The following PTPN9 variants were observed in gnomAD, a reference collection of about 807,000 sequenced individuals.
PTPN9 encodes tyrosine-protein phosphatase non-receptor type 9.
Under a neutral mutation model 69.8 loss-of-function variants are expected in PTPN9, and 26 were observed. The observed-to-expected ratio is 0.37, with a 90% CI of 0.27 to 0.52. The LOEUF is 0.52. PTPN9 is among the 20% of genes least tolerant of loss of function. The pLI is 0.91. For missense variants in PTPN9, 549 were observed against 740.3 expected (o/e 0.74, Z 3.00); for synonymous variants, 274 against 272.5 (o/e 1.01, Z -0.05).
intron 7 of PTPN9, among the ~76,000 whole-genome samples, chr15:75,504,474 G>T (rs1248221038): frequency 2.2e-5 from 3 of 136,794 alleles, no homozygotes; most frequent in Non-Finnish European, 4.8e-5. Flanking sequence ...GGTCCGGGAG[G>T]GAGGTGGAGG....
intron 3 of PTPN9, among the ~76,000 whole-genome samples, chr15:75,523,709 A>G (rs2074914910): frequency 1.3e-5 from 2 of 152,222 alleles, no homozygotes; most frequent in South Asian, 2.1e-4. Flanking sequence ...GACACATTGC[A>G]TATCTCTCCC....
intron 1 of PTPN9, among the ~76,000 whole-genome samples, chr15:75,556,814 C>T (rs1162345705): frequency 6.6e-6 from 1 of 152,162 alleles, no homozygotes; most frequent in Non-Finnish European, 1.5e-5. Context: ...ATTGTTTTAT[C>T]ATACCCAGCA....
intron 1 of PTPN9, among the ~76,000 whole-genome samples, chr15:75,563,563 T>C (rs1021646452): frequency 1.3e-5 from 2 of 152,214 alleles, no homozygotes; most frequent in Non-Finnish European, 2.9e-5. Flanking sequence ...GAGAAAGATA[T>C]GATCTTTTTT....
At chr15:75,521,040 G>A (rs1413019651) in intron 4 of PTPN9, among the ~76,000 whole-genome samples, 2 of 151,904 alleles carry the variant, frequency 1.3e-5, no homozygotes, top group African/African-American at 2.4e-5. Context: ...TTGTAGAGAC[G>A]AGGCCTTGCT....
intron 1 of PTPN9, among the ~76,000 whole-genome samples, chr15:75,537,052 G>A (rs1327711157): frequency 1.3e-5 from 2 of 152,050 alleles, no homozygotes; most frequent in Admixed American, 1.3e-4. Context: ...TTTTCTTTTA[G>A]AAATACTAGT....
chr15:75,578,598 C>A, intron 1 of PTPN9, 116 bp downstream of exon 1: 1 of 882,166 alleles, frequency 1.1e-6, no homozygotes, highest in Non-Finnish European at 1.5e-6. Context: ...GAGCCGGGCA[C>A]GGGAGCGGGG....
At chr15:75,571,708 A>G (rs1267571608) in intron 1 of PTPN9, among the ~76,000 whole-genome samples, 1 of 152,004 alleles carries the variant, frequency 6.6e-6, no homozygotes, top group Non-Finnish European at 1.5e-5. Context: ...CATCATGGCC[A>G]ACATGGTGAA....
intron 1 of PTPN9, among the ~76,000 whole-genome samples, chr15:75,537,226 C>T (rs1479664256): frequency 6.6e-6 from 1 of 150,964 alleles, no homozygotes; most frequent in Non-Finnish European, 1.5e-5. Flanking sequence ...GTGGTGGGCG[C>T]CTGTAATCCC....
intron 1 of PTPN9, among the ~76,000 whole-genome samples, chr15:75,572,747 TC>T: frequency 6.6e-6 from 1 of 152,154 alleles, no homozygotes; most frequent in Non-Finnish European, 1.5e-5. Context: ...AGAAAGGCTT[TC>T]ACAAGCCTTC....
At chr15:75,558,330 A>C (rs1195853325) in intron 1 of PTPN9, among the ~76,000 whole-genome samples, 1 of 151,160 alleles carries the variant, frequency 6.6e-6, no homozygotes, top group Non-Finnish European at 1.5e-5. Flanking sequence ...CCATCTCAAA[A>C]AAAAAAGAAA....
At chr15:75,547,661 T>C (rs925369764) in intron 1 of PTPN9, among the ~76,000 whole-genome samples, 4 of 142,328 alleles carry the variant, frequency 2.8e-5, no homozygotes, top group Admixed American at 1.4e-4. Context: ...TTACTGGATA[T>C]AGGGTTCTTT....
intron 7 of PTPN9, among the ~76,000 whole-genome samples, chr15:75,504,716 T>G (rs1283579671): frequency 3.3e-5 from 4 of 120,578 alleles, no homozygotes; most frequent in East Asian, 2.6e-4. Context: ...GCCCGGGAGG[T>G]GAGGGGCGCC....
chr15:75,538,481 G>A (rs747402049), intron 1 of PTPN9, among the ~76,000 whole-genome samples: 1 of 152,128 alleles, frequency 6.6e-6, no homozygotes, highest in African/African-American at 2.4e-5. Context: ...CAGACTGCTT[G>A]ATCTCAGGAG....
At chr15:75,486,870 C>T (rs1297675269) in intron 8 of PTPN9, among the ~76,000 whole-genome samples, 2 of 150,768 alleles carry the variant, frequency 1.3e-5, no homozygotes, top group African/African-American at 2.4e-5. Flanking sequence ...CTGCAAGCTC[C>T]GCCTCCCAGG....
chr15:75,551,672 CA>C (rs1363844476), intron 1 of PTPN9, among the ~76,000 whole-genome samples: 2 of 152,134 alleles, frequency 1.3e-5, no homozygotes, highest in African/African-American at 4.8e-5. Flanking sequence ...CGTAGCATCC[CA>C]AACAAGGAGG....
chr15:75,543,773 TTAAC>T (rs1453387036), intron 1 of PTPN9, among the ~76,000 whole-genome samples: 2 of 152,200 alleles, frequency 1.3e-5, no homozygotes, highest in Non-Finnish European at 2.9e-5. Flanking sequence ...TATATAGCCT[TTAAC>T]TAAAATATAC....
chr15:75,526,493 C>A (rs1202788270), intron 2 of PTPN9, among the ~76,000 whole-genome samples: 1 of 151,742 alleles, frequency 6.6e-6, no homozygotes, highest in Non-Finnish European at 1.5e-5. Flanking sequence ...AGGATTCTGA[C>A]CCCAAAGTAA....
intron 4 of PTPN9, among the ~76,000 whole-genome samples, chr15:75,519,354 G>A (rs1446863847): frequency 1.3e-5 from 2 of 151,380 alleles, no homozygotes; most frequent in African/African-American, 2.4e-5. Flanking sequence ...ATCCACCCAC[G>A]TCGGCCTCCC....
At chr15:75,470,275 C>A (rs1451817339) in intron 11 of PTPN9, among the ~76,000 whole-genome samples, 1 of 152,206 alleles carries the variant, frequency 6.6e-6, no homozygotes, top group Non-Finnish European at 1.5e-5. Context: ...CACGATCAAA[C>A]TTACTGCTGC....
Sources: gnomAD v4.1 joint callset for allele counts (sites outside exome capture counted in the v4.1 genomes callset) on GRCh38, gnomAD v4.1.1 for gene constraint, MANE v1.5 for transcripts, NCBI Gene and HGNC (gene_info 2026-07-23, HGNC 2026-07-21) for gene names.